Variants in PTPRD observed in about 807,000 individuals in gnomAD.
PTPRD encodes the protein protein tyrosine phosphatase receptor type D.
Under a neutral mutation model 214.5 loss-of-function variants are expected in PTPRD, and 34 were observed. That is an observed-to-expected ratio of 0.16 (90% confidence interval 0.12 to 0.21). The LOEUF (loss-of-function observed/expected upper bound fraction) is 0.21, where lower values mean the gene tolerates loss of function less well. PTPRD is among the 10% of genes least tolerant of loss of function. The pLI is 1.00. For missense variants in PTPRD, 2,545 were observed against 2,398.7 expected, an observed-to-expected ratio of 1.06 and a Z score of -1.27; for synonymous variants, 1,128 against 845.7, an observed-to-expected ratio of 1.33 and a Z score of -5.79.
intron 14 of PTPRD, among the ~76,000 whole-genome samples, chr9:8,575,392 A>G (rs1224181867): frequency 6.6e-6 from 1 of 152,188 alleles, no homozygotes; most frequent in Non-Finnish European, 1.5e-5. Flanking sequence ...TTCTAAGAGT[A>G]TATCAAATGC....
At chr9:8,904,815 C>T (rs1047381771) in intron 11 of PTPRD, among the ~76,000 whole-genome samples, 3 of 152,062 alleles carry the variant, frequency 2.0e-5, no homozygotes, top group African/African-American at 4.8e-5. Context: ...TGATTGTACA[C>T]TCATAATGCA....
intron 5 of PTPRD, among the ~76,000 whole-genome samples, chr9:9,916,755 C>A (rs2080946343): frequency 6.6e-6 from 1 of 151,996 alleles, no homozygotes; most frequent in African/African-American, 2.4e-5. Flanking sequence ...CAAAACATTT[C>A]ATTCAACAGT....
intron 7 of PTPRD, among the ~76,000 whole-genome samples, chr9:9,674,378 T>C (rs2096889506): frequency 6.7e-6 from 1 of 150,328 alleles, no homozygotes; most frequent in Non-Finnish European, 1.5e-5. Flanking sequence ...AGTGCAACAA[T>C]GAAAGATGGG....
intron 8 of PTPRD, among the ~76,000 whole-genome samples, chr9:9,439,691 G>C (rs1456165154): frequency 1.3e-5 from 2 of 152,080 alleles, no homozygotes; most frequent in East Asian, 3.9e-4. Flanking sequence ...AGGGCTATTT[G>C]GCAAAACAGT....
At chr9:9,233,553 C>A (rs1301023680) in intron 9 of PTPRD, among the ~76,000 whole-genome samples, 1 of 152,136 alleles carries the variant, frequency 6.6e-6, no homozygotes, top group South Asian at 2.1e-4. Flanking sequence ...CCCAAAAGTC[C>A]AAGTTCAAAG....
At chr9:9,430,934 T>TA (rs1225616664) in intron 8 of PTPRD, among the ~76,000 whole-genome samples, 1 of 152,152 alleles carries the variant, frequency 6.6e-6, no homozygotes, top group African/African-American at 2.4e-5. Flanking sequence ...ATTTCAGACC[T>TA]AAAACCATAA....
At chr9:9,874,615 T>C (rs1335841834) in intron 5 of PTPRD, among the ~76,000 whole-genome samples, 1 of 152,176 alleles carries the variant, frequency 6.6e-6, no homozygotes, top group Non-Finnish European at 1.5e-5. Context: ...TTCCTCGTTC[T>C]CTTTTATCTC....
chr9:8,423,016 A>G (rs2094457194), intron 35 of PTPRD, among the ~76,000 whole-genome samples: 1 of 152,128 alleles, frequency 6.6e-6, no homozygotes, highest in African/African-American at 2.4e-5. Flanking sequence ...AATAGAAGAG[A>G]CTCGACCTAA....
At chr9:9,300,265 T>C (rs1256836938) in intron 9 of PTPRD, among the ~76,000 whole-genome samples, 2 of 151,616 alleles carry the variant, frequency 1.3e-5, no homozygotes, top group South Asian at 2.1e-4. Context: ...GGCCTCTAAA[T>C]AGTCCATCCC....
intron 2 of PTPRD, among the ~76,000 whole-genome samples, chr9:10,462,898 A>C (rs1213610216): frequency 6.6e-6 from 1 of 150,788 alleles, no homozygotes; most frequent in Non-Finnish European, 1.5e-5. Flanking sequence ...AATTTATGTA[A>C]TATAGCATTT....
At chr9:9,323,162 T>C (rs1386145926) in intron 9 of PTPRD, among the ~76,000 whole-genome samples, 1 of 152,088 alleles carries the variant, frequency 6.6e-6, no homozygotes, top group Non-Finnish European at 1.5e-5. Context: ...GAGCAAGATT[T>C]GAATAAGATT....
intron 44 of PTPRD, among the ~76,000 whole-genome samples, chr9:8,321,371 G>A (rs1182228471): frequency 6.7e-6 from 1 of 150,278 alleles, no homozygotes; most frequent in African/African-American, 2.4e-5. Context: ...CAATTTACTG[G>A]TTTTATCATC....
At chr9:10,553,399 C>T (rs551815253) in intron 2 of PTPRD, among the ~76,000 whole-genome samples, 5 of 151,132 alleles carry the variant, frequency 3.3e-5, no homozygotes, top group African/African-American at 1.2e-4. Context: ...AAAAATCCTA[C>T]ACATAAAATA....
chr9:9,923,148 GTA>G (rs1491434139), intron 5 of PTPRD, among the ~76,000 whole-genome samples: 30 of 151,166 alleles, frequency 2.0e-4, no homozygotes, highest in African/African-American at 4.6e-4. Flanking sequence ...GTGTGTGTGT[GTA>G]TGTACAGAAA....
chr9:9,533,824 G>C (rs2075989283), intron 8 of PTPRD, among the ~76,000 whole-genome samples: 1 of 152,014 alleles, frequency 6.6e-6, no homozygotes, highest in African/African-American at 2.4e-5. Flanking sequence ...GAGTGGAATA[G>C]AAGGAAGAAG....
At chr9:10,225,182 T>C (rs919223761) in intron 3 of PTPRD, among the ~76,000 whole-genome samples, 1 of 151,910 alleles carries the variant, frequency 6.6e-6, no homozygotes, top group African/African-American at 2.4e-5. Context: ...ATGAATACAG[T>C]CTTATATAAA....
At chr9:9,701,253 T>C (rs2097495565) in intron 7 of PTPRD, among the ~76,000 whole-genome samples, 1 of 152,116 alleles carries the variant, frequency 6.6e-6, no homozygotes, top group Admixed American at 6.6e-5. Context: ...TAAGAATGTT[T>C]TAAACATGAT....
chr9:8,407,909 G>A (rs570153452), intron 35 of PTPRD, among the ~76,000 whole-genome samples: 1 of 152,296 alleles, frequency 6.6e-6, no homozygotes, highest in East Asian at 1.9e-4. Flanking sequence ...AGTAAACTCA[G>A]TAAAGAATAA....
At chr9:9,136,066 T>C (rs1354912240) in intron 10 of PTPRD, among the ~76,000 whole-genome samples, 3 of 152,194 alleles carry the variant, frequency 2.0e-5, no homozygotes, top group Non-Finnish European at 4.4e-5. Context: ...ATATTTCTTT[T>C]GCTAATGAAA....
Sources: allele counts gnomAD v4.1 joint callset (sites outside exome capture counted in the v4.1 genomes callset), GRCh38; gene constraint gnomAD v4.1.1; transcripts MANE v1.5; gene names NCBI Gene and HGNC (gene_info 2026-07-23, HGNC 2026-07-21).